The following KLHL29 variants were observed in gnomAD, a reference collection of about 807,000 sequenced individuals.
KLHL29 encodes kelch-like protein 29.
Under a neutral mutation model 80.4 loss-of-function variants are expected in KLHL29, and 21 were observed. The ratio of observed to expected loss-of-function variants is 0.26; its 90% CI spans 0.19 to 0.38. The LOEUF (loss-of-function observed/expected upper bound fraction) is 0.38. KLHL29 is among the 10% of genes least tolerant of loss of function. KLHL29 has a pLI of 1.00. For missense variants in KLHL29, 867 were observed against 1,223.9 expected, an observed-to-expected ratio of 0.71 and a Z score of 4.35; for synonymous variants, 511 against 526.8, an observed-to-expected ratio of 0.97 and a Z score of 0.41.
At position 23,639,273 on chromosome 2, in the gene KLHL29, C is replaced by T. The variant is rs1466280281; in HGVS notation, c.420C>T (p.Asp140=). Residue 140 remains aspartate, a synonymous_variant, in exon 4 of 14, where the codon GAC becomes GAT. Transcript: ENST00000486442. ...CCTCCAAACAGATGAGAGAGAGTGA[C>T]AATCCAGGTACGTACCTCATCGGCA... ...EPPSKQMRES[D]NPGTGPWVTT... 2.6e-6 allele frequency: 4 copies of T among 1,547,436 alleles called. No individual in the cohort carries two copies. Among genetic ancestry groups the T allele is most frequent in the Non-Finnish European group, 3.5e-6 (4 of 1,145,172 alleles).
intron 1 of KLHL29, among the ~76,000 whole-genome samples, chr2:23,473,073 A>G (rs904309578): frequency 6.6e-6 from 1 of 152,024 alleles, no homozygotes; most frequent in Non-Finnish European, 1.5e-5. Context: ...AGGAGCTATT[A>G]CAGGAATCCA....
rs1558454630 is a variant in KLHL29 at position 23,706,744 on chromosome 2, CCAA to C, written c.*84_*86del. The stretch of plus-strand genomic sequence containing the variant: ...ACGCAATGATAATTTTCCAGCGACA[CCAA>C]CAAGAGGCCAACAAAACACAATCAA... On this transcript the variant is annotated 3_prime_UTR_variant, in exon 14 of 14. Coordinates refer to ENST00000486442, the MANE Select transcript of KLHL29 (RefSeq NM_052920.2). 9.6e-7 allele frequency: 1 copy of C among 1,039,972 alleles called. No individual in the cohort carries two copies. The highest frequency in any genetic ancestry group is 1.6e-5 in the African/African-American group (1 of 61,246). 64.4% of individuals were successfully genotyped at this position (1,039,972 alleles called of 1,614,324 possible). A position where few individuals can be genotyped will look rare whatever the true frequency, so the allele number is the denominator to read the frequency against.
chr2:23,455,906 T>C (rs996881249), intron 1 of KLHL29, among the ~76,000 whole-genome samples: 2 of 151,994 alleles, frequency 1.3e-5, no homozygotes, highest in Non-Finnish European at 2.9e-5. Context: ...GTGATTAAGG[T>C]GAAACCTGAT....
chr2:23,386,647 G>T (rs1443054493), intron 1 of KLHL29, among the ~76,000 whole-genome samples: 8 of 152,132 alleles, frequency 5.3e-5, no homozygotes, highest in Non-Finnish European at 7.4e-5. Flanking sequence ...CCCAGGGCTC[G>T]CGTCCCGGTC....
At chr2:23,702,860 C>T (rs2551359) in intron 11 of KLHL29, among the ~76,000 whole-genome samples, 3 of 152,192 alleles carry the variant, frequency 2.0e-5, no homozygotes, top group South Asian at 2.1e-4. Context: ...TCCAGCATTG[C>T]GGAATGCAAG....
At chr2:23,536,922 TCTCTCTCCCTCTCTCG>T (rs1207122109) in intron 2 of KLHL29, among the ~76,000 whole-genome samples, 20 of 88,172 alleles carry the variant, frequency 2.3e-4, no homozygotes, top group Middle Eastern at 0.011. Flanking sequence ...ACACACACTC[TCTCTCTCCCTCTCTCG>T]CTCTCTCTCT....
intron 2 of KLHL29, among the ~76,000 whole-genome samples, chr2:23,533,729 T>G (rs1440797447): frequency 2.0e-5 from 3 of 152,198 alleles, no homozygotes; most frequent in African/African-American, 7.2e-5. Flanking sequence ...TTTACGCCAA[T>G]GAAGAGAACA....
intron 3 of KLHL29, among the ~76,000 whole-genome samples, chr2:23,625,110 G>A (rs577293): frequency 0.8 from 121,952 of 152,204 alleles, 49,132 homozygotes; most frequent in East Asian, 1. Flanking sequence ...AATGTGAGCC[G>A]TGGTCATCCA....
At chr2:23,489,450 T>C (rs61059065) in intron 2 of KLHL29, among the ~76,000 whole-genome samples, 1,653 of 152,214 alleles carry the variant, frequency 0.011, 32 homozygotes, top group African/African-American at 0.038. Flanking sequence ...AAGCCCATTT[T>C]CCCTTGTTTT....
intron 5 of KLHL29, among the ~76,000 whole-genome samples, chr2:23,654,547 C>G: frequency 6.6e-6 from 1 of 152,260 alleles, no homozygotes; most frequent in Non-Finnish European, 1.5e-5. Context: ...TGTGTGGCCT[C>G]CCCCTGGGTC....
At chr2:23,468,997 G>A (rs1054823694) in intron 1 of KLHL29, among the ~76,000 whole-genome samples, 1 of 152,230 alleles carries the variant, frequency 6.6e-6, no homozygotes, top group African/African-American at 2.4e-5. Flanking sequence ...CCGGCCGGGA[G>A]CCAAGTTGTC....
intron 2 of KLHL29, among the ~76,000 whole-genome samples, chr2:23,529,793 G>A (rs534510055): frequency 3.3e-5 from 5 of 152,246 alleles, no homozygotes; most frequent in East Asian, 3.9e-4. Flanking sequence ...GGCTGAGCCC[G>A]CCACCCGTCC....
chr2:23,507,165 G>T, intron 2 of KLHL29: 1 of 404,734 alleles, frequency 2.5e-6, no homozygotes, highest in South Asian at 1.8e-5. Flanking sequence ...GCTCACTCCC[G>T]TGCATGCCAT....
chr2:23,661,033 GAA>G, intron 5 of KLHL29, among the ~76,000 whole-genome samples: 1 of 145,934 alleles, frequency 6.9e-6, no homozygotes, highest in East Asian at 2.0e-4. Context: ...CTCTGTTTCA[GAA>G]AAAAAAAGAG....
At chr2:23,628,094 G>C in intron 3 of KLHL29, among the ~76,000 whole-genome samples, 1 of 151,862 alleles carries the variant, frequency 6.6e-6, no homozygotes, top group African/African-American at 2.4e-5. Context: ...TGTATTTTTA[G>C]TAGAGATGGG....
intron 5 of KLHL29, among the ~76,000 whole-genome samples, chr2:23,648,866 C>T (rs531868764): frequency 6.6e-6 from 1 of 152,232 alleles, no homozygotes; most frequent in African/African-American, 2.4e-5. Context: ...TCAAACTCCA[C>T]TTCCCACTAA....
At chr2:23,621,887 A>G (rs1572445290) in intron 3 of KLHL29, among the ~76,000 whole-genome samples, 1 of 152,154 alleles carries the variant, frequency 6.6e-6, no homozygotes, top group African/African-American at 2.4e-5. Context: ...CAGCTACCAC[A>G]TATCCCTGGG....
intron 5 of KLHL29, among the ~76,000 whole-genome samples, chr2:23,665,974 G>T (rs1670542079): frequency 6.6e-6 from 1 of 152,246 alleles, no homozygotes; most frequent in Admixed American, 6.5e-5. Context: ...GGGGGACACT[G>T]TCCATTCTTG....
At chr2:23,638,085 T>TAAAAAAAAAAAAAAAAAAAAAAAAAAAA (rs553356362) in intron 3 of KLHL29, among the ~76,000 whole-genome samples, 1 of 111,596 alleles carries the variant, frequency 9.0e-6, no homozygotes, top group African/African-American at 3.4e-5. Flanking sequence ...ATGGCCATAG[T>TAAAAAAAAAAAAAAAAAAAAAAAAAAAA]AAAAAAAAAA....
Sources: allele counts gnomAD v4.1 joint callset (sites outside exome capture counted in the v4.1 genomes callset), GRCh38; gene constraint gnomAD v4.1.1; transcripts MANE v1.5; gene names NCBI Gene and HGNC (gene_info 2026-07-23, HGNC 2026-07-21).